PHACTR1: variants seen among roughly 807,000 people sequenced by gnomAD.
PHACTR1 encodes RPEL repeat containing 1.
Under a neutral mutation model 69.2 loss-of-function variants are expected in PHACTR1, and 16 were observed. That is an observed-to-expected ratio of 0.23 (90% CI 0.16 to 0.35). PHACTR1 has a LOEUF of 0.35. PHACTR1 is among the 10% of genes least tolerant of loss of function. The pLI, the probability that PHACTR1 is intolerant of heterozygous loss-of-function variation, is 1.00. For synonymous variants in PHACTR1, 312 were observed against 284.5 expected (o/e 1.10, Z -0.97); for missense variants, 510 against 734.7 (o/e 0.69, Z 3.54).
At chr6:13,204,084 A>T (rs1451114473) in intron 7 of PHACTR1, among the ~76,000 whole-genome samples, 1 of 152,156 alleles carries the variant, frequency 6.6e-6, no homozygotes, top group African/African-American at 2.4e-5. Flanking sequence ...GCCATAGGTA[A>T]GGTTATTTCC....
chr6:12,967,858 T>C (rs774319497), intron 4 of PHACTR1, among the ~76,000 whole-genome samples: 19 of 152,370 alleles, frequency 1.2e-4, no homozygotes, highest in Non-Finnish European at 2.4e-4. Context: ...AATATTGTTT[T>C]GCAAGGACTA....
intron 4 of PHACTR1, among the ~76,000 whole-genome samples, chr6:12,778,891 C>T (rs563545018): frequency 3.0e-4 from 46 of 152,130 alleles, no homozygotes; most frequent in African/African-American, 1.1e-3. Context: ...AGAAAAGGGT[C>T]CCCCCTCCCC....
At position 13,205,798 on chromosome 6, in the gene PHACTR1, C is replaced by A. The variant is rs1765818123; in HGVS notation, c.665-17C>A. On this transcript the variant is annotated splice_polypyrimidine_tract_variant and intron_variant, in intron 7 of 14. Transcript: ENST00000332995. ...CCCCCAAACTCACATCTGCCTCTCG[C>A]CCTCTTTCTGCCACAGATCCTGGCG... is the stretch of plus-strand genomic sequence containing the variant. 1.3e-6 allele frequency: 2 copies of A among 1,561,688 alleles called. No homozygotes were observed. Among genetic ancestry groups the A allele is most frequent in the African/African-American group, 1.4e-5 (1 of 71,270 alleles).
intron 4 of PHACTR1, among the ~76,000 whole-genome samples, chr6:12,926,533 G>T (rs2127521695): frequency 6.6e-6 from 1 of 152,180 alleles, no homozygotes; most frequent in East Asian, 1.9e-4. Flanking sequence ...CTTGTCCACG[G>T]TCCAGGCTCC....
Position 13,206,013 on chromosome 6 carries a change from A to C in PHACTR1, c.863A>C (p.Gln288Pro), listed in dbSNP as rs768952315. ...CCCTCCCAGATCCAGCACCAGCTGC[A>C]GTACGGCAGCCACGGCCAGCACCTC... ...VLPSQIQHQLQYGSHGQHLPS... is the reference protein window; with the variant it reads ...VLPSQIQHQLPYGSHGQHLPS... Residue 288 changes from glutamine (Q) to proline (P), a missense_variant, in exon 8 of 15, where the codon CAG becomes CCG. Gln to Pro is a moderately conservative substitution (Grantham distance 76). Around this residue, in one of 2 missense-constraint regions of PHACTR1, gnomAD observed 419 missense variants for 530.9 expected, o/e 0.79. Transcript: ENST00000332995. 5.0e-6 allele frequency: 8 copies of C among 1,613,834 alleles called. No individual in the cohort carries two copies. In the South Asian group the frequency reaches 8.8e-5, roughly 18 times the overall value.
chr6:12,830,121 GAAAGAAAGAAAGAAAGAAAGAAAGAA>G (rs1777334059), intron 4 of PHACTR1, among the ~76,000 whole-genome samples: 1 of 121,370 alleles, frequency 8.2e-6, no homozygotes, highest in Non-Finnish European at 1.8e-5. Context: ...AAGAAAGAAA[GAAAGAAAGAAAGAAAGAAAGAAAGAA>G]AGAAAGAAAG....
At chr6:12,841,447 A>T (rs920911878) in intron 4 of PHACTR1, among the ~76,000 whole-genome samples, 4 of 152,224 alleles carry the variant, frequency 2.6e-5, no homozygotes, top group African/African-American at 9.6e-5. Context: ...GTGGGGCTTC[A>T]CAATATCTCA....
chr6:13,026,940 A>T (rs369342790), intron 4 of PHACTR1, among the ~76,000 whole-genome samples: 1 of 152,204 alleles, frequency 6.6e-6, no homozygotes, highest in East Asian at 1.9e-4. Flanking sequence ...AAAATAAAAA[A>T]AATAATAACA....
intron 4 of PHACTR1, among the ~76,000 whole-genome samples, chr6:12,918,363 C>T (rs942252185): frequency 6.6e-6 from 1 of 152,120 alleles, no homozygotes; most frequent in Admixed American, 6.5e-5. Context: ...ATGCTGTAGC[C>T]AATGTAATCA....
chr6:13,248,695 C>T (rs1424933174), intron 10 of PHACTR1, among the ~76,000 whole-genome samples: 1 of 152,090 alleles, frequency 6.6e-6, no homozygotes, highest in African/African-American at 2.4e-5. Flanking sequence ...GGGGCAATAA[C>T]TCATATTGGG....
chr6:12,828,013 T>G (rs1301496943), intron 4 of PHACTR1, among the ~76,000 whole-genome samples: 2 of 152,088 alleles, frequency 1.3e-5, no homozygotes, highest in Non-Finnish European at 2.9e-5. Context: ...AAAACTTAAT[T>G]TTGGAATGTG....
At chr6:13,192,407 C>T (rs1216222732) in intron 7 of PHACTR1, among the ~76,000 whole-genome samples, 1 of 152,124 alleles carries the variant, frequency 6.6e-6, no homozygotes, top group Non-Finnish European at 1.5e-5. Context: ...CAAGAAATAG[C>T]AAATAGTCCT....
chr6:12,786,790 G>A (rs1478560274), intron 4 of PHACTR1, among the ~76,000 whole-genome samples: 3 of 152,178 alleles, frequency 2.0e-5, no homozygotes, highest in Non-Finnish European at 4.4e-5. Flanking sequence ...CCTTGTGGCA[G>A]AGCAAGGCAT....
chr6:12,738,468 C>G (rs1764597410), intron 3 of PHACTR1, among the ~76,000 whole-genome samples: 1 of 152,214 alleles, frequency 6.6e-6, no homozygotes, highest in East Asian at 1.9e-4. Context: ...CATCCCTTAT[C>G]AGTTCGTGCT....
In PHACTR1 at chr6:13,003,951, C is replaced by CTATATATATATATATATATATACATATA. The variant is rs1384494931; in HGVS notation, c.251-49401_251-49400insATATATATACATATATATATATATATAT. Reference sequence around the variant, plus strand: ...CTTTTTTTATGGCTCAGTAGTATTCCTATATATATATATGTATATATATAT... The same window carrying CTATATATATATATATATATATACATATA: ...CTTTTTTTATGGCTCAGTAGTATTCCTATATATATATATATATATATACATATATATATATATATATGTATATATATAT... On this transcript the variant is annotated intron_variant, in intron 4 of 14. Coordinates refer to ENST00000332995, the MANE Select transcript of PHACTR1 (RefSeq NM_030948.6). Among the ~76,000 whole-genome samples, 31 of 93,526 alleles carry CTATATATATATATATATATATACATATA rather than the reference C, an allele frequency of 3.3e-4. 1 individual carries two copies. Among genetic ancestry groups the CTATATATATATATATATATATACATATA allele is most frequent in the Non-Finnish European group, 4.8e-4 (24 of 49,556 alleles). 61.4% of individuals were successfully genotyped at this position (93,526 alleles called of 152,430 possible). A position where few individuals can be genotyped will look rare whatever the true frequency, so the allele number is the denominator to read the frequency against.
intron 4 of PHACTR1, among the ~76,000 whole-genome samples, chr6:12,776,652 G>A (rs1340478955): frequency 1.3e-5 from 2 of 152,146 alleles, no homozygotes; most frequent in Non-Finnish European, 2.9e-5. Context: ...CCCACTTAAC[G>A]ATTAAGCAGA....
intron 5 of PHACTR1, among the ~76,000 whole-genome samples, chr6:13,131,200 T>TACAC (rs145110446): frequency 0.19 from 6,654 of 34,440 alleles, 389 homozygotes; most frequent in East Asian, 0.43. Flanking sequence ...CACATATATA[T>TACAC]ATACACATAC....
At chr6:12,756,651 G>A (rs1161565357) in intron 4 of PHACTR1, among the ~76,000 whole-genome samples, 1 of 152,190 alleles carries the variant, frequency 6.6e-6, no homozygotes, top group Non-Finnish European at 1.5e-5. Context: ...TGCCACATTT[G>A]TATACATTAA....
At chr6:12,943,085 A>G (rs145247024) in intron 4 of PHACTR1, among the ~76,000 whole-genome samples, 110 of 152,358 alleles carry the variant, frequency 7.2e-4, no homozygotes, top group East Asian at 5.6e-3. Flanking sequence ...TAGCAGCGTT[A>G]CTCACAATAG....
Sources: allele counts gnomAD v4.1 joint callset (sites outside exome capture counted in the v4.1 genomes callset), GRCh38; gene constraint gnomAD v4.1.1; regional missense constraint gnomAD v4.1.1; transcripts MANE v1.5; gene names NCBI Gene and HGNC (gene_info 2026-07-23, HGNC 2026-07-21).